ZNF862: variants seen among roughly 807,000 people sequenced by gnomAD.
ZNF862 encodes zinc finger protein 862.
ZNF862 carries 64 observed loss-of-function variants against 91.1 expected under a neutral mutation model. That is an observed-to-expected ratio of 0.70 (90% CI 0.57 to 0.87). The LOEUF (loss-of-function observed/expected upper bound fraction) is 0.87, where lower values mean the gene tolerates loss of function less well. ZNF862 is among the 40% of genes least tolerant of loss of function. ZNF862 has a pLI of 0.00. For missense variants in ZNF862, 1,459 were observed against 1,528.0 expected (o/e 0.95, Z 0.75); for synonymous variants, 631 against 618.1 (o/e 1.02, Z -0.31).
chr7:149,845,358 C>T lies in ZNF862; in HGVS notation c.136+622C>T, dbSNP rs189834382. On this transcript the variant is annotated intron_variant, in intron 2 of 7. Transcript: ENST00000223210. ...TTCAACATGTGTGTACACATATGCACTGTTTGCTGATTGCAAGTTGATGAC... is the reference window on the plus strand; with the variant it reads ...TTCAACATGTGTGTACACATATGCATTGTTTGCTGATTGCAAGTTGATGAC... Among the ~76,000 whole-genome samples, 192 of 152,326 alleles carry T rather than the reference C, an allele frequency of 1.3e-3. 1 individual carries two copies. The highest frequency in any genetic ancestry group is 4.4e-3 in the African/African-American group (183 of 41,562).
At chr7:149,843,444 T>G (rs998784033) in intron 1 of ZNF862, among the ~76,000 whole-genome samples, 1 of 152,242 alleles carries the variant, frequency 6.6e-6, no homozygotes, top group African/African-American at 2.4e-5. Flanking sequence ...ATTTCTTTTA[T>G]AACACTTTGT....
In ZNF862 at chr7:149,850,368, A is replaced by T. The variant is rs1423719385; in HGVS notation, c.1117+30A>T. 3.2e-6 allele frequency: 5 copies of T among 1,582,292 alleles called. No homozygotes were observed. In the Admixed American group the frequency reaches 8.5e-5, roughly 27 times the overall value. The stretch of plus-strand genomic sequence containing the variant: ...AGACGCACCGAGCCTCTTATTCACC[A>T]CCCTCCTTTGACTTGGGAAGCCCAC... On this transcript the variant is annotated intron_variant, in intron 5 of 7. Coordinates refer to ENST00000223210, the MANE Select transcript of ZNF862 (RefSeq NM_001099220.3). This position sits in a 1 kb window ranked among gnomAD's most constrained non-coding sequence, Gnocchi z 4.2.
chr7:149,864,220 T>C lies in ZNF862; in HGVS notation c.3446T>C (p.Ile1149Thr), dbSNP rs1375043282. 1 of 1,600,816 alleles carries C rather than the reference T, an allele frequency of 6.2e-7. No individual in the cohort carries two copies. The highest frequency in any genetic ancestry group is 2.3e-5 in the East Asian group (1 of 44,226). ...REAAEVLKDC[I>T]MEPPERLLYP... is the part of the protein sequence containing the mutation. The stretch of plus-strand genomic sequence containing the variant: ...GCAGCGGAGGTTCTGAAGGACTGCA[T>C]CATGGAGCCTCCCGAGAGACTCCTG... The change falls in exon 8 of 8, where the codon ATC becomes ACC. Residue 1149 changes from isoleucine (I) to threonine (T), a missense_variant. Physicochemically the swap from Ile to Thr is moderately conservative, Grantham distance 89 (BLOSUM62 -1). Coordinates refer to ENST00000223210, the MANE Select transcript of ZNF862 (RefSeq NM_001099220.3).
chr7:149,857,451 A>G (rs1227209316), intron 5 of ZNF862, among the ~76,000 whole-genome samples: 1 of 152,014 alleles, frequency 6.6e-6, no homozygotes, highest in Non-Finnish European at 1.5e-5. Flanking sequence ...AATGGCTATC[A>G]TGAGTTTTCT....
chr7:149,860,874 CT>C lies in ZNF862; in HGVS notation c.1715del (p.Leu572ArgfsTer17). 7.4e-6 allele frequency: 12 copies of C among 1,613,710 alleles called. No individual in the cohort carries two copies. The highest frequency in any genetic ancestry group is 1.0e-5 in the Non-Finnish European group (12 of 1,179,896). On this transcript the variant is annotated frameshift_variant, in exon 7 of 8. Transcript: ENST00000223210. LOFTEE classifies it high-confidence loss of function. ...CTCCATTGCATACCACTCAAGGCCC[CT>C]GAATGACTTTGAGAAGATCCTGCAG... ...AYSIAYHSRP[L>X]NDFEKILQLL...
In ZNF862 at chr7:149,848,119, G is replaced by A. The variant is rs754525592; in HGVS notation, c.626G>A (p.Arg209Lys). The part of the protein sequence containing the change: ...HMFCVNALAA[R>K]DPIWAARFRS... Reference sequence around the variant, plus strand: ...TTCTGTGTCAATGCCTTGGCAGCGAGGGACCCCATCTGGGCAGCCCGGTTC... The same window carrying A: ...TTCTGTGTCAATGCCTTGGCAGCGAAGGACCCCATCTGGGCAGCCCGGTTC... The change falls in exon 4 of 8, where the codon AGG becomes AAG. Residue 209 changes from arginine (R) to lysine (K), a missense_variant. Physicochemically the swap from Arg to Lys is conservative, Grantham distance 26. Transcript: ENST00000223210. The A allele has an allele frequency of 6.2e-7, 1 of 1,614,064 alleles. No homozygotes were observed. The highest frequency in any genetic ancestry group is 8.5e-7 in the Non-Finnish European group (1 of 1,179,904).
At position 149,844,638 on chromosome 7, in the gene ZNF862, T is replaced by A; in HGVS notation, c.38T>A (p.Phe13Tyr). 1 of 1,601,228 alleles carries A rather than the reference T, an allele frequency of 6.2e-7. No homozygotes were observed. Among genetic ancestry groups the A allele is most frequent in the South Asian group, 1.1e-5 (1 of 88,444 alleles). Residue 13 changes from phenylalanine to tyrosine, a missense_variant, in exon 2 of 8, where the codon TTT becomes TAT. Transcript: ENST00000223210. ...PRESGKAPVT[F>Y]DDITVYLLQE... is the part of the protein sequence containing the mutation. The stretch of plus-strand genomic sequence containing the variant: ...TTTTCCTTTCAGGCTCCTGTGACGT[T>A]TGATGACATCACTGTGTACTTACTC...
chr7:149,845,059 G>A (rs921936146), intron 2 of ZNF862: 1 of 305,276 alleles, frequency 3.3e-6, no homozygotes. Context: ...TGGATCTGTG[G>A]AGCCCGTAGG....
At position 149,850,523 on chromosome 7, in the gene ZNF862, C is replaced by T. The variant is rs1802036208; in HGVS notation, c.1117+185C>T. 1.7e-6 allele frequency: 1 copy of T among 595,670 alleles called. No homozygotes were observed. Among genetic ancestry groups the T allele is most frequent in the Admixed American group, 3.2e-5 (1 of 31,620 alleles). The allele number at this position is 595,670 out of a possible 1,614,324, so 36.9% of individuals were successfully genotyped here. ...TAACTGTGCTTTATCACCTTCTCAT[C>T]CACCCACCTGTTCATCCATTCGTCC... On this transcript the variant is annotated intron_variant, in intron 5 of 7. Transcript: ENST00000223210. The surrounding 1 kb of genome is among the most constrained non-coding windows in gnomAD (Gnocchi z 4.2).
intron 6 of ZNF862, chr7:149,860,148 G>A (rs1053245190): frequency 5.3e-5 from 29 of 544,216 alleles, no homozygotes; most frequent in Non-Finnish European, 7.7e-5. Context: ...GGTGGTTGGG[G>A]CGCTGGTGAA....
Position 149,861,752 on chromosome 7 carries a change from G to C in ZNF862, c.2592G>C (p.Leu864=), listed in dbSNP as rs370183928. Residue 864 remains leucine (L), a synonymous_variant, in exon 7 of 8, where the codon CTG becomes CTC. Transcript: ENST00000223210. This position sits in a 1 kb window ranked among gnomAD's most constrained non-coding sequence, Gnocchi z 6.7. ...LSEVCQKEIV[L]ITEVNATLGR... The stretch of plus-strand genomic sequence containing the variant: ...AGGTGTGCCAGAAGGAGATCGTGCT[G>C]ATTACAGAGGTGAACGCCACGCTGG... 1.6e-5 allele frequency: 26 copies of C among 1,613,656 alleles called. No homozygotes were observed. The highest frequency in any genetic ancestry group is 2.1e-5 in the Non-Finnish European group (25 of 1,179,852).
rs554848688 is a variant in ZNF862 at position 149,850,122 on chromosome 7, C to G, written c.940-39C>G. 1 of 1,549,422 alleles carries G rather than the reference C, an allele frequency of 6.5e-7. No individual in the cohort carries two copies. The highest frequency in any genetic ancestry group is 1.4e-5 in the African/African-American group (1 of 72,938). ...AGAAGTGTCACGTGGGAGTCTGGCT[C>G]GGCAGGCGGTGCTGAGTGGCCGCTG... On this transcript the variant is annotated intron_variant, in intron 4 of 7. Transcript: ENST00000223210. This position sits in a 1 kb window ranked among gnomAD's most constrained non-coding sequence, Gnocchi z 4.2.
At chr7:149,842,156 G>A (rs1213554866) in intron 1 of ZNF862, among the ~76,000 whole-genome samples, 1 of 152,166 alleles carries the variant, frequency 6.6e-6, no homozygotes, top group Non-Finnish European at 1.5e-5. Flanking sequence ...TTATGGGTGG[G>A]TAGATTCTAA....
Position 149,848,447 on chromosome 7 carries a change from A to G in ZNF862, c.939+15A>G. On this transcript the variant is annotated intron_variant, in intron 4 of 7. Transcript: ENST00000223210. The stretch of plus-strand genomic sequence containing the variant: ...CCTGCATTCAGGTAATACGTTTATA[A>G]TGATTGCTGTATCTTACAGAGAAGG... The G allele has an allele frequency of 6.7e-7, 1 of 1,482,630 alleles. No homozygotes were observed. The highest frequency in any genetic ancestry group is 1.4e-5 in the South Asian group (1 of 72,340). 91.8% of individuals were successfully genotyped at this position (1,482,630 alleles called of 1,614,324 possible). A position where few individuals can be genotyped will look rare whatever the true frequency, so the allele number is the denominator to read the frequency against.
Position 149,860,976 on chromosome 7 carries a change from A to G in ZNF862, c.1816A>G (p.Ile606Val). The G allele has an allele frequency of 1.9e-6, 3 of 1,613,588 alleles. No individual in the cohort carries two copies. The highest frequency in any genetic ancestry group is 2.5e-6 in the Non-Finnish European group (3 of 1,179,796). ...RTACTQFIKY[I>V]SETLKREILE... Reference sequence around the variant, plus strand: ...GGCGTGCACTCAGTTCATCAAGTACATCTCAGAGACCCTGAAGAGGGAGAT... The same window carrying G: ...GGCGTGCACTCAGTTCATCAAGTACGTCTCAGAGACCCTGAAGAGGGAGAT... Residue 606 changes from isoleucine to valine, a missense_variant, in exon 7 of 8, where the codon ATC (isoleucine) becomes GTC (valine). Physicochemically the swap from Ile to Val is conservative, Grantham distance 29. Transcript: ENST00000223210.
chr7:149,852,960 C>G (rs1802117587), intron 5 of ZNF862, among the ~76,000 whole-genome samples: 1 of 152,100 alleles, frequency 6.6e-6, no homozygotes, highest in African/African-American at 2.4e-5. Context: ...GTGGGAGGGC[C>G]CTAAAGAAGA....
At chr7:149,840,801 G>A (rs1801679121) in intron 1 of ZNF862, 1 of 269,380 alleles carries the variant, frequency 3.7e-6, no homozygotes, top group South Asian at 1.4e-4. Flanking sequence ...GCCTAGATAT[G>A]TAGTAGGCTG....
At position 149,847,745 on chromosome 7, in the gene ZNF862, G is replaced by C. The variant is rs1801921384; in HGVS notation, c.252G>C (p.Gln84His). The C allele has an allele frequency of 6.2e-7, 1 of 1,606,666 alleles. No homozygotes were observed. Among genetic ancestry groups the C allele is most frequent in the Admixed American group, 1.7e-5 (1 of 58,334 alleles). Reference protein sequence around the residue: ...SLLEHHPGKKQMGYMGEMEVQ... With the variant: ...SLLEHHPGKKHMGYMGEMEVQ... ...GTCTCTTCTCTAAAGGAAAAAAACA[G>C]ATGGGCTACATGGGAGAAATGGAGG... The change falls in exon 4 of 8, where the codon CAG becomes CAC. Residue 84 changes from glutamine (Q) to histidine (H), a missense_variant. By Grantham distance (24) the Gln-to-His change is conservative (BLOSUM62 0). Transcript: ENST00000223210.
At chr7:149,848,561 T>C (rs1801958950) in intron 4 of ZNF862, 129 bp downstream of exon 4, 2 of 732,908 alleles carry the variant, frequency 2.7e-6, no homozygotes, top group Admixed American at 3.4e-5. Context: ...AATGTTGGCA[T>C]ATACCAACAT....
Sources: allele counts gnomAD v4.1 joint callset (sites outside exome capture counted in the v4.1 genomes callset), GRCh38; gene constraint gnomAD v4.1.1; non-coding constraint Gnocchi (gnomAD v3.1); transcripts MANE v1.5; gene names NCBI Gene and HGNC (gene_info 2026-07-23, HGNC 2026-07-21).